Variants in GCFC2 observed in about 807,000 individuals in gnomAD.
GCFC2 encodes GC-rich sequence DNA-binding factor 2.
GCFC2 carries 102 observed loss-of-function variants against 99.4 expected under a neutral mutation model. The observed-to-expected ratio is 1.03, with a 90% CI of 0.87 to 1.21. GCFC2 has a LOEUF of 1.21. GCFC2 is among the 50% of genes most tolerant of loss of function. GCFC2 has a pLI of 0.00. For synonymous variants in GCFC2, 338 were observed against 316.8 expected (o/e 1.07, Z -0.71); for missense variants, 973 against 920.9 (o/e 1.06, Z -0.73).
At chr2:75,684,089 A>C (rs1186339269) in intron 11 of GCFC2, among the ~76,000 whole-genome samples, 1 of 152,148 alleles carries the variant, frequency 6.6e-6, no homozygotes, top group African/African-American at 2.4e-5. Flanking sequence ...AAATTAACAA[A>C]GATATCCAGG....
At chr2:75,710,360 C>T in intron 1 of GCFC2, 2 of 1,002,158 alleles carry the variant, frequency 2.0e-6, no homozygotes, top group Non-Finnish European at 2.7e-6. Context: ...CCCAACTGTA[C>T]ACGATTGTTT....
chr2:75,703,457 T>A (rs1680698781), intron 2 of GCFC2, among the ~76,000 whole-genome samples: 1 of 152,166 alleles, frequency 6.6e-6, no homozygotes, highest in Non-Finnish European at 1.5e-5. Context: ...ATGCTTGACA[T>A]CAGCCCTAGG....
At position 75,706,391 on chromosome 2, in the gene GCFC2, T is replaced by G. The variant is rs1014843515; in HGVS notation, c.394+132A>C. 4.9e-6 allele frequency: 3 copies of G among 606,092 alleles called. No individual in the cohort carries two copies. The African/African-American group carries it at 5.6e-5, about 11-fold the overall frequency. 37.5% of individuals were successfully genotyped at this position (606,092 alleles called of 1,614,324 possible). On this transcript the variant is annotated intron_variant, in intron 2 of 16. Transcript: ENST00000321027. ...TAAAATGTAATAAAAATGAGCAATTTTGGCACTCTGACAATCATCATTAAT... is the reference window on the plus strand; with the variant it reads ...TAAAATGTAATAAAAATGAGCAATTGTGGCACTCTGACAATCATCATTAAT...
At chr2:75,685,197 T>TA (rs1430169856) in intron 11 of GCFC2, among the ~76,000 whole-genome samples, 1 of 152,150 alleles carries the variant, frequency 6.6e-6, no homozygotes, top group African/African-American at 2.4e-5. Flanking sequence ...CCCCAGAACT[T>TA]AAAGTATAAT....
intron 1 of GCFC2, among the ~76,000 whole-genome samples, chr2:75,706,945 A>C (rs952231892): frequency 4.6e-5 from 7 of 152,244 alleles, no homozygotes; most frequent in Admixed American, 4.6e-4. Context: ...AAAATGAAGT[A>C]ATATTTAGAA....
At chr2:75,706,742 T>C (rs553792303) in intron 1 of GCFC2, 91 bp from the exon 2 acceptor site, 1 of 775,228 alleles carries the variant, frequency 1.3e-6, no homozygotes, top group Non-Finnish European at 2.1e-6. Flanking sequence ...ATATGTATAA[T>C]ACGGTGTTTT....
chr2:75,713,075 G>T (rs1290682881), upstream of GCFC2, among the ~76,000 whole-genome samples: 1 of 151,952 alleles, frequency 6.6e-6, no homozygotes, highest in African/African-American at 2.4e-5. Context: ...TTTTTTCTTG[G>T]CTTTGTCTTT....
chr2:75,689,884 T>G, intron 9 of GCFC2, 85 bp downstream of exon 9: 1 of 724,836 alleles, frequency 1.4e-6, no homozygotes, highest in Non-Finnish European at 2.4e-6. Flanking sequence ...ATATAGCTTA[T>G]GTACTTATTA....
At chr2:75,698,239 T>C (rs1437792548) in intron 4 of GCFC2, among the ~76,000 whole-genome samples, 1 of 152,112 alleles carries the variant, frequency 6.6e-6, no homozygotes, top group Non-Finnish European at 1.5e-5. Context: ...TAAATGGCAA[T>C]AGAGAAAAAT....
chr2:75,708,103 T>G (rs1680953295), intron 1 of GCFC2, among the ~76,000 whole-genome samples: 1 of 152,194 alleles, frequency 6.6e-6, no homozygotes. Flanking sequence ...AGCATCACCA[T>G]TTTACTTGAA....
In GCFC2 at chr2:75,671,570, G is replaced by A. The variant is rs1202814012; in HGVS notation, c.1956+380C>T. On this transcript the variant is annotated intron_variant, in intron 14 of 16. Transcript: ENST00000321027. Reference sequence around the variant, plus strand: ...ACTTAGCAATAATTTTAAGGCCAGGGGTTAGCCAACTATATAGCTTGTGGG... The same window carrying A: ...ACTTAGCAATAATTTTAAGGCCAGGAGTTAGCCAACTATATAGCTTGTGGG... Among the ~76,000 whole-genome samples the A allele has an allele frequency of 3.3e-5, 5 of 152,256 alleles. No homozygotes were observed. The East Asian group carries it at 9.7e-4, about 29-fold the overall frequency.
At chr2:75,699,549 T>TTG (rs1289069215) in intron 4 of GCFC2, among the ~76,000 whole-genome samples, 1 of 152,156 alleles carries the variant, frequency 6.6e-6, no homozygotes, top group East Asian at 1.9e-4. Flanking sequence ...AGCTCACTAC[T>TTG]TGTTTAAACT....
chr2:75,696,119 A>G, intron 5 of GCFC2, 81 bp downstream of exon 5: 3 of 625,306 alleles, frequency 4.8e-6, no homozygotes, highest in Admixed American at 5.1e-5. Context: ...TCAGTACTTA[A>G]TAATCTAAAA....
At chr2:75,698,141 C>T (rs1387471258) in intron 4 of GCFC2, 2 of 152,138 alleles carry the variant, frequency 1.3e-5, no homozygotes, top group Non-Finnish European at 2.9e-5. Context: ...TCCATTTTCA[C>T]CAACTATACT....
In GCFC2 at chr2:75,673,410, T is replaced by G. The variant is rs374371563; in HGVS notation, c.1889+34A>C. 119 of 861,848 alleles carry G rather than the reference T, an allele frequency of 1.4e-4. No homozygotes were observed. The Middle Eastern group carries it at 5.8e-3, about 42-fold the overall frequency. 53.4% of individuals were successfully genotyped at this position (861,848 alleles called of 1,614,324 possible). A position where few individuals can be genotyped will look rare whatever the true frequency, so the allele number is the denominator to read the frequency against. On this transcript the variant is annotated intron_variant, in intron 13 of 16. Coordinates refer to ENST00000321027, the MANE Select transcript of GCFC2 (RefSeq NM_003203.5). ...AACAAATCTGTATTCTATGATCAGC[T>G]ATTTCCAACAATCTAGAAATTAACA...
chr2:75,666,187 A>G, intron 15 of GCFC2, 134 bp from the exon 16 acceptor site: 1 of 630,522 alleles, frequency 1.6e-6, no homozygotes, highest in Non-Finnish European at 2.5e-6. Context: ...AAAAATTTCT[A>G]AAGATTTCCC....
chr2:75,665,409 C>T (rs2104171667), intron 16 of GCFC2, among the ~76,000 whole-genome samples: 1 of 152,258 alleles, frequency 6.6e-6, no homozygotes, highest in Middle Eastern at 3.4e-3. Flanking sequence ...CTGCCTCAGC[C>T]TCCCAAAGTG....
At chr2:75,684,405 GAAGTA>G (rs1679723687) in intron 11 of GCFC2, among the ~76,000 whole-genome samples, 1 of 152,186 alleles carries the variant, frequency 6.6e-6, no homozygotes. Context: ...AATGGAGGCA[GAAGTA>G]AAGATGTTCT....
intron 11 of GCFC2, among the ~76,000 whole-genome samples, chr2:75,684,442 C>A (rs1181432290): frequency 6.6e-6 from 1 of 152,170 alleles, no homozygotes; most frequent in Non-Finnish European, 1.5e-5. Flanking sequence ...AGAACAAACA[C>A]ACAACGTACC....
Sources: gnomAD v4.1 joint callset for allele counts (sites outside exome capture counted in the v4.1 genomes callset) on GRCh38, gnomAD v4.1.1 for gene constraint, MANE v1.5 for transcripts, NCBI Gene and HGNC (gene_info 2026-07-23, HGNC 2026-07-21) for gene names.